Variants in JMY observed in about 807,000 individuals in gnomAD.
The protein encoded by JMY is junction mediating and regulatory protein, p53 cofactor.
In JMY, 46 loss-of-function variants were observed where a neutral mutation model predicts 103.3. That is an observed-to-expected ratio of 0.45 (90% confidence interval 0.35 to 0.57). The LOEUF (loss-of-function observed/expected upper bound fraction) is 0.57, where lower values mean the gene tolerates loss of function less well. Among genes scored for constraint, JMY ranks in the 20% least tolerant of loss-of-function variants. The pLI is 0.00. For synonymous variants in JMY, 526 were observed against 489.3 expected (o/e 1.07, Z -0.99); for missense variants, 1,238 against 1,255.2 (o/e 0.99, Z 0.21).
At position 79,323,919 on chromosome 5, in the gene JMY, TCACCTCA is replaced by T. The variant is rs1747545098; in HGVS notation, c.*2321_*2327del. ...ATCCTGTTACAGTTCTCCATGAGAG[TCACCTCA>T]CACTTGGAAAAGAAGGAGGTTAAAG... On this transcript the variant is annotated 3_prime_UTR_variant, in exon 11 of 11. Transcript: ENST00000396137. 2.0e-5 allele frequency: 3 copies of T among 152,090 alleles called. No homozygotes were observed. Among genetic ancestry groups the T allele is most frequent in the Admixed American group, 2.0e-4 (3 of 15,264 alleles). 9.4% of individuals were successfully genotyped at this position (152,090 alleles called of 1,614,324 possible).
rs1363597248 is a variant in JMY at position 79,236,459 on chromosome 5, G to C, written c.-192G>C. On this transcript the variant is annotated 5_prime_UTR_variant, in exon 1 of 11. Transcript: ENST00000396137. ...CCGGGACGCTTATTGTCCTTCTCTC[G>C]ATCCGCGCCACAAAGGAGCTCGGCG... 2 of 423,724 alleles carry C rather than the reference G, an allele frequency of 4.7e-6. No homozygotes were observed. The highest frequency in any genetic ancestry group is 7.4e-5 in the East Asian group (2 of 26,852). The allele number at this position is 423,724 out of a possible 1,614,324, so 26.2% of individuals were successfully genotyped here.
intron 1 of JMY, among the ~76,000 whole-genome samples, chr5:79,263,893 G>A (rs1745500733): frequency 6.6e-6 from 1 of 151,830 alleles, no homozygotes; most frequent in Non-Finnish European, 1.5e-5. Context: ...CGCCTCCCAG[G>A]TGCAAGCAAT....
At chr5:79,293,376 C>T (rs1475951628) in intron 4 of JMY, among the ~76,000 whole-genome samples, 1 of 147,170 alleles carries the variant, frequency 6.8e-6, no homozygotes, top group Non-Finnish European at 1.5e-5. Flanking sequence ...TAATTTATAC[C>T]CCCTTTAACT....
intron 1 of JMY, among the ~76,000 whole-genome samples, chr5:79,252,791 G>A (rs1745127734): frequency 1.3e-5 from 2 of 152,060 alleles, no homozygotes; most frequent in African/African-American, 4.8e-5. Flanking sequence ...CCATTGACAT[G>A]GAATAACTTT....
chr5:79,312,847 C>T, intron 8 of JMY, among the ~76,000 whole-genome samples: 1 of 152,170 alleles, frequency 6.6e-6, no homozygotes. Flanking sequence ...CCACATACAT[C>T]AGCCTGTGGT....
chr5:79,320,081 ATAAGTTTCAGGCTGAGTGTGAACTT>A (rs1374028851), intron 10 of JMY, among the ~76,000 whole-genome samples: 1 of 152,176 alleles, frequency 6.6e-6, no homozygotes, highest in Admixed American at 6.5e-5. Context: ...GAGGTTTAAA[ATAAGTTTCAGGCTGAGTGTGAACTT>A]TAAGTTTCAG....
At chr5:79,257,861 C>G (rs891514870) in intron 1 of JMY, among the ~76,000 whole-genome samples, 18 of 152,028 alleles carry the variant, frequency 1.2e-4, no homozygotes, top group African/African-American at 4.1e-4. Flanking sequence ...CTCCTGTGTT[C>G]AAGCAATTCT....
chr5:79,283,084 C>T (rs978439901), intron 2 of JMY, among the ~76,000 whole-genome samples: 17 of 151,804 alleles, frequency 1.1e-4, no homozygotes, highest in African/African-American at 3.9e-4. Flanking sequence ...CTCTGCTTCC[C>T]GGGTTCAAGC....
chr5:79,289,733 T>C (rs1220273164), intron 2 of JMY, among the ~76,000 whole-genome samples: 2 of 151,988 alleles, frequency 1.3e-5, no homozygotes, highest in African/African-American at 4.8e-5. Context: ...TTTCAATTGT[T>C]TTATATAGTG....
intron 1 of JMY, among the ~76,000 whole-genome samples, chr5:79,270,480 T>C (rs1304340189): frequency 9.7e-6 from 1 of 103,460 alleles, no homozygotes; most frequent in Non-Finnish European, 1.9e-5. Context: ...TATATTTACA[T>C]AAATATTTAC....
rs774226465 is a variant in JMY at position 79,312,423 on chromosome 5, TGAA to T, written c.1996_1998del (p.Glu666del). On this transcript the variant is annotated inframe_deletion, in exon 8 of 11. Transcript: ENST00000396137. ...ACCAGAAGAGAGAAAAATTACATGATGAAGAAGAAAGAAAAAGTGCCTGGGTTA... is the reference window on the plus strand; with the variant it reads ...ACCAGAAGAGAGAAAAATTACATGATGAAGAAAGAAAAAGTGCCTGGGTTA... The T allele has an allele frequency of 6.3e-7, 1 of 1,578,898 alleles. No individual in the cohort carries two copies. Among genetic ancestry groups the T allele is most frequent in the Non-Finnish European group, 8.6e-7 (1 of 1,165,042 alleles).
chr5:79,247,509 G>A (rs1744937981), intron 1 of JMY, among the ~76,000 whole-genome samples: 1 of 151,852 alleles, frequency 6.6e-6, no homozygotes. Context: ...TTGAAACAGG[G>A]TTTCACCATG....
rs571728272 is a variant in JMY at position 79,316,071 on chromosome 5, C to A, written c.2731C>A (p.Arg911=). The A allele has an allele frequency of 1.9e-6, 3 of 1,613,964 alleles. No homozygotes were observed. Among genetic ancestry groups the A allele is most frequent in the Non-Finnish European group, 2.5e-6 (3 of 1,179,952 alleles). The part of the protein sequence containing the change: ...GSFHLKKVEQ[R]TLPPFPDEDD... The stretch of plus-strand genomic sequence containing the variant: ...TTTTCATCTGAAAAAGGTTGAACAG[C>A]GAACTCTGCCTCCTTTTCCTGATGA... The change falls in exon 10 of 11, where the codon CGA becomes AGA. Residue 911 remains arginine, a synonymous_variant. Coordinates refer to ENST00000396137, the MANE Select transcript of JMY (RefSeq NM_152405.5).
At chr5:79,274,489 C>T (rs928786036) in intron 1 of JMY, among the ~76,000 whole-genome samples, 6 of 151,824 alleles carry the variant, frequency 4.0e-5, no homozygotes, top group Non-Finnish European at 5.9e-5. Flanking sequence ...CTCATTGCAA[C>T]CTCTGCCTCC....
chr5:79,240,459 G>A (rs1449995816), intron 1 of JMY, among the ~76,000 whole-genome samples: 5 of 151,914 alleles, frequency 3.3e-5, no homozygotes, highest in African/African-American at 9.7e-5. Flanking sequence ...TACAGTCGCC[G>A]CTACCATGCC....
intron 2 of JMY, among the ~76,000 whole-genome samples, chr5:79,278,865 GC>G (rs1746026314): frequency 6.7e-6 from 1 of 149,070 alleles, no homozygotes. Flanking sequence ...CTGGGCTCAA[GC>G]GATTTGCCCA....
intron 2 of JMY, among the ~76,000 whole-genome samples, chr5:79,288,970 C>T (rs1005763395): frequency 2.8e-4 from 42 of 151,932 alleles, no homozygotes; most frequent in Non-Finnish European, 3.1e-4. Context: ...TGTGGTGGCT[C>T]AAGCCTGTAA....
intron 4 of JMY, among the ~76,000 whole-genome samples, chr5:79,291,977 C>G (rs1254636589): frequency 6.6e-6 from 1 of 152,168 alleles, no homozygotes; most frequent in Non-Finnish European, 1.5e-5. Context: ...TTAGGTTGTA[C>G]AGCAAGATGG....
chr5:79,285,769 C>A (rs1746250120), intron 2 of JMY, among the ~76,000 whole-genome samples: 1 of 152,014 alleles, frequency 6.6e-6, no homozygotes, highest in African/African-American at 2.4e-5. Flanking sequence ...ACAGTTTTTT[C>A]CCCCTCATCT....
Sources: gnomAD v4.1 joint callset for allele counts (sites outside exome capture counted in the v4.1 genomes callset) on GRCh38, gnomAD v4.1.1 for gene constraint, MANE v1.5 for transcripts, NCBI Gene and HGNC (gene_info 2026-07-23, HGNC 2026-07-21) for gene names.